The following HOOK1 variants were observed in gnomAD, a reference collection of about 807,000 sequenced individuals.
HOOK1 encodes the protein protein Hook homolog 1.
HOOK1 carries 60 observed loss-of-function variants against 112.8 expected under a neutral mutation model. The observed-to-expected ratio is 0.53, with a 90% CI of 0.43 to 0.66. The LOEUF (loss-of-function observed/expected upper bound fraction) is 0.66. Among genes scored for constraint, HOOK1 ranks in the 30% least tolerant of loss-of-function variants. The pLI is 0.00. For synonymous variants in HOOK1, 294 were observed against 283.8 expected, an observed-to-expected ratio of 1.04 and a Z score of -0.36; for missense variants, 770 against 856.0, an observed-to-expected ratio of 0.90 and a Z score of 1.25.
At chr1:59,851,519 T>G (rs1009108657) in intron 12 of HOOK1, among the ~76,000 whole-genome samples, 8 of 151,660 alleles carry the variant, frequency 5.3e-5, no homozygotes, top group Admixed American at 4.6e-4. Context: ...TCATGAATCT[T>G]CCAGCCTTTT....
intron 8 of HOOK1, among the ~76,000 whole-genome samples, chr1:59,841,160 C>G (rs1474154374): frequency 1.3e-5 from 2 of 152,122 alleles, no homozygotes; most frequent in Non-Finnish European, 2.9e-5. Context: ...TATGATGTTA[C>G]TGTTACATTA....
chr1:59,855,478 G>T (rs917129931), intron 12 of HOOK1, among the ~76,000 whole-genome samples: 2 of 152,002 alleles, frequency 1.3e-5, no homozygotes, highest in East Asian at 1.9e-4. Context: ...TCTTTTTTAT[G>T]GCTGCATAGT....
intron 16 of HOOK1, 42 bp from the exon 17 acceptor site, chr1:59,864,590 T>C (rs762982660): frequency 1.1e-5 from 14 of 1,302,050 alleles, no homozygotes; most frequent in African/African-American, 4.4e-5. Context: ...TTGACCTTTG[T>C]CAAGATAGTC....
At chr1:59,870,979 T>A (rs1213718791) in intron 20 of HOOK1, 63 bp from the exon 21 acceptor site, 14 of 1,060,722 alleles carry the variant, frequency 1.3e-5, no homozygotes, top group Admixed American at 1.7e-5. Flanking sequence ...GAAGAAATTA[T>A]TCTATCTTTA....
chr1:59,860,251 G>A lies in HOOK1; in HGVS notation c.1455G>A (p.Glu485=). 1 of 1,610,916 alleles carries A rather than the reference G, an allele frequency of 6.2e-7. No homozygotes were observed. Among genetic ancestry groups the A allele is most frequent in the Non-Finnish European group, 8.5e-7 (1 of 1,178,106 alleles). Residue 485 remains glutamate, a synonymous_variant, in exon 15 of 22, where the codon GAG becomes GAA. Transcript: ENST00000371208. ...KMLRLQQEGS[E]NERIEELQEQ... is the part of the protein sequence containing the mutation. ...TTCGCTTACAGCAAGAAGGCTCTGAGAATGAACGTATTGAGGAACTTCAGG... is the reference window on the plus strand; with the variant it reads ...TTCGCTTACAGCAAGAAGGCTCTGAAAATGAACGTATTGAGGAACTTCAGG...
chr1:59,832,655 G>T (rs1203967087), intron 4 of HOOK1, among the ~76,000 whole-genome samples: 1 of 152,044 alleles, frequency 6.6e-6, no homozygotes, highest in African/African-American at 2.4e-5. Flanking sequence ...ACTTTAGATA[G>T]TACATTAGTC....
At chr1:59,866,314 A>G (rs1643963503) in intron 19 of HOOK1, among the ~76,000 whole-genome samples, 1 of 152,238 alleles carries the variant, frequency 6.6e-6, no homozygotes, top group African/African-American at 2.4e-5. Flanking sequence ...TTCTAAGAAT[A>G]CAATTTTTCT....
At chr1:59,830,445 T>C (rs2098393070) in intron 3 of HOOK1, among the ~76,000 whole-genome samples, 1 of 152,178 alleles carries the variant, frequency 6.6e-6, no homozygotes, top group African/African-American at 2.4e-5. Flanking sequence ...GAAATGCTTT[T>C]CTTTATCCCT....
chr1:59,857,220 CT>C (rs1476030581), intron 12 of HOOK1, among the ~76,000 whole-genome samples: 3 of 152,110 alleles, frequency 2.0e-5, no homozygotes, highest in African/African-American at 7.2e-5. Context: ...GTGGATGGGG[CT>C]TTTTAAGGGA....
Position 59,865,175 on chromosome 1 carries a change from A to C in HOOK1, c.1674A>C (p.Thr558=), listed in dbSNP as rs1437932328. 6.2e-7 allele frequency: 1 copy of C among 1,603,698 alleles called. No individual in the cohort carries two copies. The highest frequency in any genetic ancestry group is 2.2e-5 in the East Asian group (1 of 44,786). The change falls in exon 18 of 22, where the codon ACA becomes ACC. Residue 558 remains threonine (T), a synonymous_variant. Coordinates refer to ENST00000371208, the MANE Select transcript of HOOK1 (RefSeq NM_015888.6). ...TTCTACCACTTAGGGAAAAACTCAC[A>C]GAGGTCCATGAAGAATTACAGAAGA... ...QKLEAHMEKL[T]EVHEELQKKQ...
At chr1:59,820,128 A>G (rs771989465) in intron 1 of HOOK1, among the ~76,000 whole-genome samples, 23 of 152,202 alleles carry the variant, frequency 1.5e-4, no homozygotes, top group South Asian at 4.1e-4. Context: ...CAAAATTGAC[A>G]TATTTAAGAA....
Position 59,858,608 on chromosome 1 carries a change from G to A in HOOK1, c.1330+93G>A, listed in dbSNP as rs3754204. 1,297 of 826,916 alleles carry A rather than the reference G, an allele frequency of 1.6e-3. 21 individuals are homozygous for A. In the East Asian group the frequency reaches 0.029, roughly 18 times the overall value. The allele number at this position is 826,916 out of a possible 1,614,324, so 51.2% of individuals were successfully genotyped here. On this transcript the variant is annotated intron_variant, in intron 13 of 21. Transcript: ENST00000371208. ...TAAAAACTTAACCTGTCATGGTGGC[G>A]CATGCCTATAGTCCTAGCTCTGGGA...
intron 4 of HOOK1, among the ~76,000 whole-genome samples, chr1:59,832,627 A>T (rs544836614): frequency 6.6e-6 from 1 of 152,242 alleles, no homozygotes; most frequent in Non-Finnish European, 1.5e-5. Flanking sequence ...TGCAAAATAA[A>T]AGTAGTATTA....
chr1:59,824,362 C>A (rs1036161817), intron 2 of HOOK1, among the ~76,000 whole-genome samples: 1 of 152,140 alleles, frequency 6.6e-6, no homozygotes, highest in Non-Finnish European at 1.5e-5. Context: ...CGCATGCCAC[C>A]ATGCCTGGCT....
chr1:59,873,816 GTTA>G lies in HOOK1; in HGVS notation c.*854_*856del, dbSNP rs1379535042. ...TTTAAGGTAATTAATGAAGATTTCA[GTTA>G]TTGCTTTTAAGCATAAAGTTGTATT... On this transcript the variant is annotated 3_prime_UTR_variant, in exon 22 of 22. Coordinates refer to ENST00000371208, the MANE Select transcript of HOOK1 (RefSeq NM_015888.6). 2 of 143,162 alleles carry G rather than the reference GTTA, an allele frequency of 1.4e-5. No individual in the cohort carries two copies. Among genetic ancestry groups the G allele is most frequent in the African/African-American group, 5.2e-5 (2 of 38,766 alleles). The allele number at this position is 143,162 out of a possible 1,614,324, so 8.9% of individuals were successfully genotyped here. A position where few individuals can be genotyped will look rare whatever the true frequency, so the allele number is the denominator to read the frequency against.
At position 59,872,896 on chromosome 1, in the gene HOOK1, G is replaced by C; in HGVS notation, c.2118G>C (p.Ala706=). The C allele has an allele frequency of 6.6e-7, 1 of 1,525,886 alleles. No homozygotes were observed. The highest frequency in any genetic ancestry group is 8.9e-7 in the Non-Finnish European group (1 of 1,129,290). The allele number at this position is 1,525,886 out of a possible 1,614,324, so 94.5% of individuals were successfully genotyped here. ...GCACTCCTGCGCGGTCTTTCTTAGC[G>C]CAGCAACGGCACATCACCAACACCA... The part of the protein sequence containing the change: ...GACTPARSFL[A]QQRHITNTRR... Residue 706 remains alanine, a synonymous_variant, in exon 22 of 22, where the codon GCG becomes GCC. Transcript: ENST00000371208.
At chr1:59,856,157 GTTGGTC>G (rs1345138948) in intron 12 of HOOK1, among the ~76,000 whole-genome samples, 1 of 146,306 alleles carries the variant, frequency 6.8e-6, no homozygotes, top group East Asian at 2.0e-4. Flanking sequence ...TGTTGGCCAG[GTTGGTC>G]TTGAACTCCT....
At chr1:59,821,749 GTTT>G in intron 1 of HOOK1, 106 bp from the exon 2 acceptor site, 1 of 590,612 alleles carries the variant, frequency 1.7e-6, no homozygotes, top group Non-Finnish European at 2.7e-6. Flanking sequence ...ACAGGACCAT[GTTT>G]TTTTTTTTTG....
At chr1:59,834,919 G>A (rs763450420) in intron 5 of HOOK1, among the ~76,000 whole-genome samples, 1 of 151,916 alleles carries the variant, frequency 6.6e-6, no homozygotes, top group Non-Finnish European at 1.5e-5. Flanking sequence ...GACATTTTAA[G>A]TGGTAATTTT....
Sources: allele counts gnomAD v4.1 joint callset (sites outside exome capture counted in the v4.1 genomes callset), GRCh38; gene constraint gnomAD v4.1.1; transcripts MANE v1.5; gene names NCBI Gene and HGNC (gene_info 2026-07-23, HGNC 2026-07-21).